GGT1: variants seen among roughly 807,000 people sequenced by gnomAD.
GGT1 encodes the protein gamma-glutamyltransferase 1, also known as glutathione hydrolase 1 proenzyme.
A neutral mutation model predicts 56.0 loss-of-function variants in GGT1; 21 were observed. The observed-to-expected ratio is 0.38, with a 90% CI of 0.27 to 0.54. The LOEUF is 0.54. Among genes scored for constraint, GGT1 ranks in the 20% least tolerant of loss-of-function variants. The pLI is 0.82. For missense variants in GGT1, 466 were observed against 787.0 expected, an observed-to-expected ratio of 0.59 and a Z score of 4.88; for synonymous variants, 238 against 342.6, an observed-to-expected ratio of 0.69 and a Z score of 3.37.
At chr22:24,585,664 C>A in the GGT1 span, 3 of 590,142 alleles carry the variant, frequency 5.1e-6, no homozygotes, top group Non-Finnish European at 9.0e-6. Flanking sequence ...GCGGGGTCCA[C>A]ACTGTGGGTG....
chr22:24,624,155 C>T (rs945797791), intron 11 of GGT1: 3 of 985,222 alleles, frequency 3.0e-6, no homozygotes, highest in Admixed American at 6.2e-5. Flanking sequence ...AGGTCCTTTG[C>T]ACATGCTGTG....
In GGT1 at chr22:24,628,396, G is replaced by A. The variant is rs756886269; in HGVS notation, c.1563+8G>A. 2.5e-5 allele frequency: 40 copies of A among 1,609,792 alleles called. No homozygotes were observed. Among genetic ancestry groups the A allele is most frequent in the East Asian group, 8.9e-5 (4 of 44,896 alleles). ...GAGAGAAACATTGACCAGGTGGGCC[G>A]GGGGTTGGAGAAACTGAGTCAAGGT... On this transcript the variant is annotated splice_region_variant and intron_variant, in intron 15 of 15. Coordinates refer to ENST00000400382, the MANE Select transcript of GGT1 (RefSeq NM_001288833.2). This position sits in a 1 kb window ranked among gnomAD's most constrained non-coding sequence, Gnocchi z 5.7.
intron 7 of GGT1, among the ~76,000 whole-genome samples, chr22:24,617,515 C>T (rs551912894): frequency 2.6e-5 from 4 of 152,074 alleles, no homozygotes; most frequent in South Asian, 2.1e-4. Flanking sequence ...AAGTGGCTGA[C>T]GCTGGACAGA....
chr22:24,596,742 C>CAAAAAAAA (rs57547019), intron 1 of GGT1, among the ~76,000 whole-genome samples: 17 of 108,304 alleles, frequency 1.6e-4, no homozygotes, highest in South Asian at 3.3e-4. Context: ...TACTAAAATA[C>CAAAAAAAA]AAAAAAAAAA....
intron 5 of GGT1, among the ~76,000 whole-genome samples, chr22:24,611,776 TGTGTGTGTGTGTGTGTGTGTG>T (rs1361251313): frequency 2.2e-5 from 2 of 92,720 alleles, no homozygotes; most frequent in Non-Finnish European, 3.8e-5. Flanking sequence ...AACAAATTTG[TGTGTGTGTGTGTGTGTGTGTG>T]TGTGTGTGTG....
At chr22:24,588,556 C>T in the GGT1 span, 22 of 792,512 alleles carry the variant, frequency 2.8e-5, no homozygotes, top group South Asian at 3.0e-4. Context: ...GGTCCAGTCC[C>T]GCAGTGCCCG....
intron 9 of GGT1, among the ~76,000 whole-genome samples, chr22:24,622,887 G>A (rs1340949015): frequency 6.6e-6 from 1 of 152,216 alleles, no homozygotes; most frequent in Non-Finnish European, 1.5e-5. Context: ...GAGTGCCGGA[G>A]CTGATGAGGT....
At chr22:24,614,946 T>C (rs776840057) in intron 6 of GGT1, 40 bp downstream of exon 6, 5 of 1,543,898 alleles carry the variant, frequency 3.2e-6, no homozygotes, top group Non-Finnish European at 2.6e-6. Context: ...GGGCAGGGGG[T>C]GTGGGTTGGG....
In GGT1 at chr22:24,628,252, C is replaced by G. The variant is rs1434337169; in HGVS notation, c.1450-23C>G. 1.2e-6 allele frequency: 2 copies of G among 1,611,902 alleles called. No homozygotes were observed. Among genetic ancestry groups the G allele is most frequent in the African/African-American group, 2.7e-5 (2 of 74,836 alleles). ...CACCCTGCACAGCCCCCAAGCCATGCTGATCACACTCCCATGCCCCAGGCC... is the reference window on the plus strand; with the variant it reads ...CACCCTGCACAGCCCCCAAGCCATGGTGATCACACTCCCATGCCCCAGGCC... On this transcript the variant is annotated intron_variant, in intron 14 of 15. Coordinates refer to ENST00000400382, the MANE Select transcript of GGT1 (RefSeq NM_001288833.2). The surrounding 1 kb of genome is among the most constrained non-coding windows in gnomAD (Gnocchi z 5.7).
At chr22:24,588,557 G>A in the GGT1 span, 149 of 787,048 alleles carry the variant, frequency 1.9e-4, 1 homozygote, top group Admixed American at 9.2e-4. Context: ...GTCCAGTCCC[G>A]CAGTGCCCGG....
intron 1 of GGT1, among the ~76,000 whole-genome samples, chr22:24,605,139 AATATATAATATGTAT>A (rs1316565546): frequency 1.3e-5 from 1 of 79,028 alleles, no homozygotes; most frequent in Non-Finnish European, 2.2e-5. Flanking sequence ...TATATTATAT[AATATATAATATGTAT>A]TATATTATAT....
chr22:24,599,664 C>T (rs115469897), upstream of GGT1, among the ~76,000 whole-genome samples: 1,371 of 152,262 alleles, frequency 9.0e-3, 18 homozygotes, highest in African/African-American at 0.031. Flanking sequence ...TCTGGCTGCT[C>T]TGGTGGCAGT....
rs541780251 is a variant in GGT1, at chr22:24,617,978, G to T, written c.383-2350G>T. On this transcript the variant is annotated intron_variant, in intron 7 of 15. Transcript: ENST00000400382. Reference sequence around the variant, plus strand: ...TGATGAGCCCAGTAAAGCTGAGAGGGGGCACTGGGTCTGGCAGTGTGGGGG... The same window carrying T: ...TGATGAGCCCAGTAAAGCTGAGAGGTGGCACTGGGTCTGGCAGTGTGGGGG... Among the ~76,000 whole-genome samples, 10 of 152,232 alleles carry T rather than the reference G, an allele frequency of 6.6e-5. No homozygotes were observed. In the East Asian group the frequency reaches 1.9e-3, roughly 29 times the overall value.
Position 24,627,146 on chromosome 22 carries a change from C to G in GGT1, c.1021-286C>G, listed in dbSNP as rs28451181. ...CCCAGTGCCAGGCATGCAGTGCAAA[C>G]TCTAGAAATATTTTTTGCATGAAGG... On this transcript the variant is annotated intron_variant, in intron 11 of 15. Coordinates refer to ENST00000400382, the MANE Select transcript of GGT1 (RefSeq NM_001288833.2). The G allele has an allele frequency of 0.032, 25,555 of 794,650 alleles. 4,513 individuals are homozygous for G. In the African/African-American group the frequency reaches 0.41, roughly 13 times the overall value. The allele number at this position is 794,650 out of a possible 1,614,324, so 49.2% of individuals were successfully genotyped here.
the GGT1 span, chr22:24,588,179 G>A: frequency 2.0e-6 from 3 of 1,500,080 alleles, no homozygotes; most frequent in Non-Finnish European, 2.8e-6. Context: ...CCTTGGAGCA[G>A]CAGTGAGGAG....
At chr22:24,625,651 C>T (rs958951536) in intron 11 of GGT1, among the ~76,000 whole-genome samples, 6 of 151,904 alleles carry the variant, frequency 3.9e-5, no homozygotes, top group Non-Finnish European at 5.9e-5. Context: ...ACGCCATTCT[C>T]CTGCCTCAGC....
chr22:24,595,605 G>A (rs2045679406), intron 1 of GGT1, among the ~76,000 whole-genome samples: 1 of 152,214 alleles, frequency 6.6e-6, no homozygotes, highest in African/African-American at 2.4e-5. Context: ...GTTGGGGGCT[G>A]GAGAATCAGG....
At position 24,628,299 on chromosome 22, in the gene GGT1, G is replaced by A. The variant is rs368440443; in HGVS notation, c.1474G>A (p.Gly492Ser). ...ALAIIYNLWF[G>S]YDVKRAVEEP... Reference sequence around the variant, plus strand: ...GGCCATCATCTACAACCTCTGGTTCGGCTATGACGTGAAGCGGGCCGTGGA... The same window carrying A: ...GGCCATCATCTACAACCTCTGGTTCAGCTATGACGTGAAGCGGGCCGTGGA... Residue 492 changes from glycine to serine, a missense_variant, in exon 15 of 16, where the codon GGC (glycine) becomes AGC (serine). This residue lies in a region of GGT1 where 456 missense variants were observed against 716.7 expected (regional missense o/e 0.64). Transcript: ENST00000400382. This position sits in a 1 kb window ranked among gnomAD's most constrained non-coding sequence, Gnocchi z 5.7. The A allele has an allele frequency of 1.9e-5, 31 of 1,611,868 alleles. No individual in the cohort carries two copies. Among genetic ancestry groups the A allele is most frequent in the African/African-American group, 2.7e-5 (2 of 74,874 alleles).
chr22:24,620,306 A>G lies in GGT1; in HGVS notation c.383-22A>G. ...CCGATGTCCCCCACTCAGGGTCACT[A>G]ACTATGGCTCTCTCTCCCCAGGGGG... On this transcript the variant is annotated intron_variant, in intron 7 of 15. Coordinates refer to ENST00000400382, the MANE Select transcript of GGT1 (RefSeq NM_001288833.2). The surrounding 1 kb of genome is among the most constrained non-coding windows in gnomAD (Gnocchi z 5.6). 1 of 1,610,582 alleles carries G rather than the reference A, an allele frequency of 6.2e-7. No individual in the cohort carries two copies. Among genetic ancestry groups the G allele is most frequent in the Non-Finnish European group, 8.5e-7 (1 of 1,179,396 alleles).
Sources: allele counts gnomAD v4.1 joint callset (sites outside exome capture counted in the v4.1 genomes callset), GRCh38; gene constraint gnomAD v4.1.1; regional missense constraint gnomAD v4.1.1; non-coding constraint Gnocchi (gnomAD v3.1); transcripts MANE v1.5; gene names NCBI Gene and HGNC (gene_info 2026-07-23, HGNC 2026-07-21).